The following C1orf21 variants were observed in gnomAD, a reference collection of about 807,000 sequenced individuals.
The protein encoded by C1orf21 is uncharacterized protein C1orf21.
In C1orf21, 3 loss-of-function variants were observed where a neutral mutation model predicts 18.7. The ratio of observed to expected loss-of-function variants is 0.16; its 90% CI spans 0.07 to 0.42. C1orf21 has a LOEUF of 0.42. C1orf21 is among the 10% of genes least tolerant of loss of function. C1orf21 has a pLI of 0.99. For synonymous variants in C1orf21, 41 were observed against 46.4 expected, an observed-to-expected ratio of 0.88 and a Z score of 0.47; for missense variants, 104 against 143.6, an observed-to-expected ratio of 0.72 and a Z score of 1.41.
chr1:184,474,570 A>C (rs190094631), intron 1 of C1orf21, among the ~76,000 whole-genome samples: 3 of 152,344 alleles, frequency 2.0e-5, no homozygotes. Context: ...GCAAAGGATA[A>C]GTCATGGCTT....
chr1:184,417,515 T>C (rs1361973725), intron 1 of C1orf21, among the ~76,000 whole-genome samples: 3 of 152,250 alleles, frequency 2.0e-5, no homozygotes, highest in Non-Finnish European at 4.4e-5. Context: ...TTTGGTATCT[T>C]ATTTAACACA....
chr1:184,548,073 T>G (rs1658752187), intron 3 of C1orf21, among the ~76,000 whole-genome samples: 1 of 152,192 alleles, frequency 6.6e-6, no homozygotes, highest in South Asian at 2.1e-4. Context: ...ACCTGGTCTG[T>G]TTCCCAAAGA....
At chr1:184,438,989 T>A (rs1431475375) in intron 1 of C1orf21, among the ~76,000 whole-genome samples, 1 of 152,122 alleles carries the variant, frequency 6.6e-6, no homozygotes, top group African/African-American at 2.4e-5. Context: ...GGCAGGTGAA[T>A]CACCTGAGGT....
At position 184,563,895 on chromosome 1, in the gene C1orf21, G is replaced by C. The variant is rs112866866; in HGVS notation, c.190-26844G>C. Among the ~76,000 whole-genome samples the C allele has an allele frequency of 6.3e-3, 959 of 152,274 alleles. 14 individuals are homozygous for C. The highest frequency in any genetic ancestry group is 0.019 in the African/African-American group (807 of 41,542). On this transcript the variant is annotated intron_variant, in intron 3 of 5. Transcript: ENST00000235307. ...TGAATTTTAGGAACACAGTCTCAGG[G>C]GTTTGGGCTCTTGAGCAGTTTAACC...
rs758803957 is a variant in C1orf21 at position 184,393,217 on chromosome 1, C to T, written c.-125+5849C>T. ...AGCTTTTCCAGTACAGTATTTTAACCGTATCTCCAGATCCACTGTCTATCT... is the reference window on the plus strand; with the variant it reads ...AGCTTTTCCAGTACAGTATTTTAACTGTATCTCCAGATCCACTGTCTATCT... On this transcript the variant is annotated intron_variant, in intron 1 of 5. Coordinates refer to ENST00000235307, the MANE Select transcript of C1orf21 (RefSeq NM_030806.4). 3.3e-5 allele frequency among the ~76,000 whole-genome samples: 5 copies of T among 152,252 alleles called. No homozygotes were observed. The East Asian group carries it at 7.7e-4, about 24-fold the overall frequency.
chr1:184,443,409 C>T (rs147321705), intron 1 of C1orf21, among the ~76,000 whole-genome samples: 296 of 152,200 alleles, frequency 1.9e-3, no homozygotes, highest in African/African-American at 6.9e-3. Context: ...TATATTCCAC[C>T]GGCTAACAAG....
At chr1:184,411,077 A>C (rs1427501899) in intron 1 of C1orf21, among the ~76,000 whole-genome samples, 1 of 152,010 alleles carries the variant, frequency 6.6e-6, no homozygotes, top group African/African-American at 2.4e-5. Flanking sequence ...CTTACTGCTA[A>C]TTTTTTTGTT....
chr1:184,540,439 TG>T (rs1386923846), intron 3 of C1orf21, among the ~76,000 whole-genome samples: 2 of 151,690 alleles, frequency 1.3e-5, no homozygotes, highest in East Asian at 1.9e-4. Context: ...TTGTTTGTTT[TG>T]TTTTTTTTTT....
At chr1:184,397,625 T>C (rs1298791261) in intron 1 of C1orf21, among the ~76,000 whole-genome samples, 1 of 152,182 alleles carries the variant, frequency 6.6e-6, no homozygotes, top group Admixed American at 6.5e-5. Context: ...CTTAGCATTG[T>C]AATATTATGT....
chr1:184,541,901 G>C (rs1361469782), intron 3 of C1orf21, among the ~76,000 whole-genome samples: 2 of 152,140 alleles, frequency 1.3e-5, no homozygotes, highest in Non-Finnish European at 2.9e-5. Context: ...GTGTGGCTTC[G>C]GGCCGGTGTG....
At chr1:184,510,365 G>A (rs1301856702) in intron 3 of C1orf21, among the ~76,000 whole-genome samples, 1 of 152,150 alleles carries the variant, frequency 6.6e-6, no homozygotes, top group Non-Finnish European at 1.5e-5. Flanking sequence ...TGATCCTCAG[G>A]GTGCTTGTAT....
intron 1 of C1orf21, among the ~76,000 whole-genome samples, chr1:184,414,303 A>AT (rs1656411930): frequency 6.6e-6 from 1 of 151,868 alleles, no homozygotes; most frequent in South Asian, 2.1e-4. Context: ...TAATTTTTTA[A>AT]TTTTTTGTTG....
rs990556670 is a variant in C1orf21, at chr1:184,532,120, G to C, written c.189+24438G>C. Among the ~76,000 whole-genome samples the C allele has an allele frequency of 3.3e-5, 5 of 151,752 alleles. No homozygotes were observed. In the East Asian group the frequency reaches 9.7e-4, roughly 29 times the overall value. On this transcript the variant is annotated intron_variant, in intron 3 of 5. Transcript: ENST00000235307. ...CCTAGAAAGCCAGAATTTAGCATTG[G>C]ATAATAATAAAATCTAGATCTGGCA... is the stretch of plus-strand genomic sequence containing the variant.
intron 5 of C1orf21, among the ~76,000 whole-genome samples, chr1:184,617,831 T>G (rs926960140): frequency 6.6e-6 from 1 of 151,572 alleles, no homozygotes; most frequent in African/African-American, 2.4e-5. Context: ...TGGGGCCAGT[T>G]GGCATGGGAG....
rs1656324460 is a variant in C1orf21, at chr1:184,410,634, TATATATATATATATATATATATATA to T, written c.-125+23267_-125+23291del. On this transcript the variant is annotated intron_variant, in intron 1 of 5. Coordinates refer to ENST00000235307, the MANE Select transcript of C1orf21 (RefSeq NM_030806.4). Reference sequence around the variant, plus strand: ...CATATATATTATATATATATATATATATATATATATATATATATATATATATATATTTTTTTTTTTTTTTTTTGAG... The same window carrying T: ...CATATATATTATATATATATATATATTATATTTTTTTTTTTTTTTTTTGAG... 1.5e-3 allele frequency among the ~76,000 whole-genome samples: 5 copies of T among 3,440 alleles called. 1 individual carries two copies. The highest frequency in any genetic ancestry group is 0.019 in the East Asian group (2 of 106). 2.3% of individuals were successfully genotyped at this position (3,440 alleles called of 152,430 possible).
intron 1 of C1orf21, among the ~76,000 whole-genome samples, chr1:184,459,342 T>C (rs1657267689): frequency 6.6e-6 from 1 of 152,228 alleles, no homozygotes; most frequent in Non-Finnish European, 1.5e-5. Context: ...TTAACACTTT[T>C]AGAACAAAGA....
chr1:184,420,391 A>G (rs543896543), intron 1 of C1orf21, among the ~76,000 whole-genome samples: 1 of 152,272 alleles, frequency 6.6e-6, no homozygotes, highest in African/African-American at 2.4e-5. Flanking sequence ...CTGACATTTT[A>G]TTAGACTTAA....
intron 2 of C1orf21, among the ~76,000 whole-genome samples, chr1:184,504,576 G>A (rs1394092654): frequency 6.6e-6 from 1 of 152,194 alleles, no homozygotes; most frequent in Non-Finnish European, 1.5e-5. Context: ...GGAATGTGTG[G>A]TGCATTTGCT....
At chr1:184,484,397 T>C (rs1038523306) in intron 2 of C1orf21, among the ~76,000 whole-genome samples, 1 of 152,230 alleles carries the variant, frequency 6.6e-6, no homozygotes. Flanking sequence ...ATATAAACTT[T>C]TATACAGAGC....
Sources: gnomAD v4.1 joint callset for allele counts (sites outside exome capture counted in the v4.1 genomes callset) on GRCh38, gnomAD v4.1.1 for gene constraint, MANE v1.5 for transcripts, NCBI Gene and HGNC (gene_info 2026-07-23, HGNC 2026-07-21) for gene names.